CTNNB1: variants seen among roughly 807,000 people sequenced by gnomAD.
CTNNB1 encodes the protein catenin beta 1.
Under a neutral mutation model 82.5 loss-of-function variants are expected in CTNNB1, and 6 were observed. The observed-to-expected ratio is 0.07, with a 90% CI of 0.04 to 0.14. The LOEUF (loss-of-function observed/expected upper bound fraction) is 0.14. CTNNB1 is among the 10% of genes least tolerant of loss of function. The pLI is 1.00. For missense variants in CTNNB1, 529 were observed against 980.4 expected, an observed-to-expected ratio of 0.54 and a Z score of 6.15; for synonymous variants, 312 against 329.7, an observed-to-expected ratio of 0.95 and a Z score of 0.58.
Position 41,227,423 on chromosome 3 carries a change from A to G in CTNNB1, c.1081+71A>G, listed in dbSNP as rs1363814968. The G allele has an allele frequency of 1.2e-5, 19 of 1,528,754 alleles. No individual in the cohort carries two copies. The Admixed American group carries it at 2.9e-4, about 23-fold the overall frequency. The allele number at this position is 1,528,754 out of a possible 1,614,324, so 94.7% of individuals were successfully genotyped here. On this transcript the variant is annotated intron_variant, in intron 7 of 14. Coordinates refer to ENST00000349496, the MANE Select transcript of CTNNB1 (RefSeq NM_001904.4). ...TTCTAATTAGATTACTTTTCTTAGG[A>G]AAAGGTGGTAGAACTTTAACTACTG...
intron 13 of CTNNB1, 62 bp downstream of exon 13, chr3:41,236,771 C>CT: frequency 6.2e-7 from 1 of 1,606,968 alleles, no homozygotes; most frequent in Non-Finnish European, 8.5e-7. Flanking sequence ...GCAGCTTGTT[C>CT]TTTCCTCTCA....
Position 41,235,648 on chromosome 3 carries a change from A to C in CTNNB1, c.1684-76A>C. ...GGAACTTCGGGTATATAATGTAAATAATTACAGTCTAATAATTGTTCCTCA... is the reference window on the plus strand; with the variant it reads ...GGAACTTCGGGTATATAATGTAAATCATTACAGTCTAATAATTGTTCCTCA... On this transcript the variant is annotated intron_variant, in intron 10 of 14. Coordinates refer to ENST00000349496, the MANE Select transcript of CTNNB1 (RefSeq NM_001904.4). 2.5e-6 allele frequency: 4 copies of C among 1,584,218 alleles called. No individual in the cohort carries two copies. In the South Asian group the frequency reaches 4.4e-5, roughly 18 times the overall value.
intron 2 of CTNNB1, chr3:41,224,314 C>G (rs967790124): frequency 4.3e-6 from 3 of 696,024 alleles, no homozygotes; most frequent in East Asian, 2.7e-5. Context: ...CATTCTTCCA[C>G]TGATTCAGTG....
Position 41,239,558 on chromosome 3 carries a change from ATTAACT to A in CTNNB1, c.*221_*226del, listed in dbSNP as rs1292650181. 5.1e-6 allele frequency: 3 copies of A among 583,836 alleles called. No homozygotes were observed. The highest frequency in any genetic ancestry group is 2.9e-5 in the East Asian group (1 of 34,872). The allele number at this position is 583,836 out of a possible 1,614,324, so 36.2% of individuals were successfully genotyped here. A position where few individuals can be genotyped will look rare whatever the true frequency, so the allele number is the denominator to read the frequency against. ...TGTTATGTGATCATGTGTGGAAGTT[ATTAACT>A]TTAATGTTTTTTGCCACAGCTTTTG... On this transcript the variant is annotated 3_prime_UTR_variant, in exon 15 of 15. Transcript: ENST00000349496.
chr3:41,237,884 T>C, intron 13 of CTNNB1, 132 bp from the exon 14 acceptor site: 1 of 770,964 alleles, frequency 1.3e-6, no homozygotes, highest in South Asian at 1.5e-5. Flanking sequence ...TTCCATTTTC[T>C]AAGCATTTGT....
chr3:41,214,021 A>G (rs2077858257), intron 1 of CTNNB1, among the ~76,000 whole-genome samples: 1 of 152,206 alleles, frequency 6.6e-6, no homozygotes, highest in Non-Finnish European at 1.5e-5. Context: ...GAAGGTTTCA[A>G]AAGTTTAAGA....
At position 41,233,536 on chromosome 3, in the gene CTNNB1, T is replaced by C. The variant is rs1405053019; in HGVS notation, c.1193T>C (p.Met398Thr). The C allele has an allele frequency of 6.2e-7, 1 of 1,614,076 alleles. No individual in the cohort carries two copies. Among genetic ancestry groups the C allele is most frequent in the African/African-American group, 1.3e-5 (1 of 74,926 alleles). Residue 398 changes from methionine (M) to threonine (T), a missense_variant, in exon 9 of 15, where the codon ATG becomes ACG. By Grantham distance (81) the Met-to-Thr change is moderately conservative (BLOSUM62 -1). Transcript: ENST00000349496. ...LSDAATKQEG[M>T]EGLLGTLVQL... Reference sequence around the variant, plus strand: ...CTGTTTTTATCTCCATAGGAAGGGATGGAAGGTCTCCTTGGGACTCTTGTT... The same window carrying C: ...CTGTTTTTATCTCCATAGGAAGGGACGGAAGGTCTCCTTGGGACTCTTGTT...
At chr3:41,237,992 C>T (rs2078479936) in intron 13 of CTNNB1, 24 bp from the exon 14 acceptor site, 2 of 1,609,350 alleles carry the variant, frequency 1.2e-6, no homozygotes, top group African/African-American at 2.7e-5. Flanking sequence ...TCTATTCTTC[C>T]TTGCTTTGTG....
chr3:41,212,279 G>A (rs1049779202), intron 1 of CTNNB1, among the ~76,000 whole-genome samples: 1 of 152,142 alleles, frequency 6.6e-6, no homozygotes, highest in African/African-American at 2.4e-5. Context: ...GGAACTTACA[G>A]GTGTTCAATA....
intron 7 of CTNNB1, among the ~76,000 whole-genome samples, chr3:41,228,287 A>C (rs1315936583): frequency 6.6e-6 from 1 of 152,166 alleles, no homozygotes; most frequent in African/African-American, 2.4e-5. Flanking sequence ...TTTTTGAGAA[A>C]TCACCAAATT....
intron 9 of CTNNB1, 105 bp downstream of exon 9, chr3:41,233,972 ATTCC>A: frequency 7.0e-7 from 1 of 1,434,208 alleles, no homozygotes; most frequent in South Asian, 1.2e-5. Flanking sequence ...TAGGAATTGT[ATTCC>A]TTAGTAAGTA....
chr3:41,201,798 ATTTC>A (rs1264993837), intron 1 of CTNNB1, among the ~76,000 whole-genome samples: 2 of 152,144 alleles, frequency 1.3e-5, no homozygotes, highest in South Asian at 2.1e-4. Flanking sequence ...TTATCTGATT[ATTTC>A]TTTTACCAAC....
At chr3:41,202,665 A>T (rs557682390) in intron 1 of CTNNB1, among the ~76,000 whole-genome samples, 1 of 151,858 alleles carries the variant, frequency 6.6e-6, no homozygotes, top group Non-Finnish European at 1.5e-5. Flanking sequence ...CTAACAGACT[A>T]TTTATGTAAT....
At position 41,239,262 on chromosome 3, in the gene CTNNB1, C is replaced by G. The variant is rs962580549; in HGVS notation, c.2266C>G (p.Leu756Val). The stretch of plus-strand genomic sequence containing the variant: ...CTATCCAGTTGATGGGCTGCCAGAT[C>G]TGGGGCATGCCCAGGACCTCATGGA... ...ADYPVDGLPDLGHAQDLMDGL... is the reference protein window; with the variant it reads ...ADYPVDGLPDVGHAQDLMDGL... The change falls in exon 15 of 15, where the codon CTG becomes GTG. Residue 756 changes from leucine (L) to valine (V), a missense_variant. By Grantham distance (32) the Leu-to-Val change is conservative (BLOSUM62 1). Coordinates refer to ENST00000349496, the MANE Select transcript of CTNNB1 (RefSeq NM_001904.4). The G allele has an allele frequency of 1.2e-6, 2 of 1,614,206 alleles. No homozygotes were observed. Among genetic ancestry groups the G allele is most frequent in the South Asian group, 1.1e-5 (1 of 91,090 alleles).
At chr3:41,218,476 C>T (rs991825703) in intron 1 of CTNNB1, among the ~76,000 whole-genome samples, 10 of 152,152 alleles carry the variant, frequency 6.6e-5, no homozygotes, top group African/African-American at 2.2e-4. Context: ...TGAATGAAAT[C>T]TGTCCTATTT....
At chr3:41,212,095 T>G (rs2077806761) in intron 1 of CTNNB1, among the ~76,000 whole-genome samples, 1 of 152,338 alleles carries the variant, frequency 6.6e-6, no homozygotes, top group African/African-American at 2.4e-5. Flanking sequence ...TCATGGCTGA[T>G]GTCAGATGTT....
Position 41,236,388 on chromosome 3 carries a change from G to A in CTNNB1, c.1843G>A (p.Ala615Thr), listed in dbSNP as rs2125646020. The A allele has an allele frequency of 6.2e-7, 1 of 1,614,206 alleles. No homozygotes were observed. The highest frequency in any genetic ancestry group is 8.5e-7 in the Non-Finnish European group (1 of 1,180,028). ...SPIENIQRVA[A>T]GVLCELAQDK... ...CATTGAAAACATCCAAAGAGTAGCT[G>A]CAGGGGTCCTCTGTGAACTTGCTCA... Residue 615 changes from alanine (A) to threonine (T), a missense_variant, in exon 12 of 15, where the codon GCA becomes ACA. Coordinates refer to ENST00000349496, the MANE Select transcript of CTNNB1 (RefSeq NM_001904.4).
Position 41,224,596 on chromosome 3 carries a change from G to T in CTNNB1, c.84G>T (p.Gln28His), listed in dbSNP as rs1258632801. Residue 28 changes from glutamine (Q) to histidine (H), a missense_variant, in exon 3 of 15, where the codon CAG becomes CAT. Transcript: ENST00000349496. Reference protein sequence around the residue: ...RKAAVSHWQQQSYLDSGIHSG... With the variant: ...RKAAVSHWQQHSYLDSGIHSG... Reference sequence around the variant, plus strand: ...CGGCTGTTAGTCACTGGCAGCAACAGTCTTACCTGGACTCTGGAATCCATT... The same window carrying T: ...CGGCTGTTAGTCACTGGCAGCAACATTCTTACCTGGACTCTGGAATCCATT... The T allele has an allele frequency of 6.2e-7, 1 of 1,613,958 alleles. No homozygotes were observed. The highest frequency in any genetic ancestry group is 8.5e-7 in the Non-Finnish European group (1 of 1,179,976).
At chr3:41,234,086 G>T in intron 9 of CTNNB1, 53 bp from the exon 10 acceptor site, 1 of 1,610,368 alleles carries the variant, frequency 6.2e-7, no homozygotes, top group African/African-American at 1.3e-5. Flanking sequence ...GAATTTTAGG[G>T]TAAGAAAATG....
Sources: gnomAD v4.1 joint callset for allele counts (sites outside exome capture counted in the v4.1 genomes callset) on GRCh38, gnomAD v4.1.1 for gene constraint, MANE v1.5 for transcripts, NCBI Gene and HGNC (gene_info 2026-07-23, HGNC 2026-07-21) for gene names.